PDE1A: variants seen among roughly 807,000 people sequenced by gnomAD.
The protein encoded by PDE1A is phosphodiesterase 1A, also known as dual specificity calcium/calmodulin-dependent 3',5'-cyclic nucleotide phosphodiesterase 1A.
A neutral mutation model predicts 61.7 loss-of-function variants in PDE1A; 35 were observed. The observed-to-expected ratio is 0.57, with a 90% CI of 0.43 to 0.75. PDE1A has a LOEUF of 0.75. PDE1A is among the 30% of genes least tolerant of loss of function. The probability of loss-of-function intolerance (pLI) is 0.00; values close to 1 mark genes in which losing one functional copy is unlikely to be tolerated. For missense variants in PDE1A, 597 were observed against 630.6 expected (o/e 0.95, Z 0.57); for synonymous variants, 232 against 213.2 (o/e 1.09, Z -0.77).
chr2:182,560,190 T>C, the PDE1A span, among the ~76,000 whole-genome samples: 2 of 151,704 alleles, frequency 1.3e-5, no homozygotes, highest in Non-Finnish European at 2.9e-5. Context: ...ATTATGTGTA[T>C]TTCCTAATGC....
intron 2 of PDE1A, among the ~76,000 whole-genome samples, chr2:182,242,883 C>CGT (rs1479744475): frequency 1.5e-5 from 2 of 130,172 alleles, no homozygotes; most frequent in East Asian, 2.3e-4. Flanking sequence ...TCCTCTCCTC[C>CGT]CTCTCTCTCT....
chr2:182,532,232 A>G, the PDE1A span, among the ~76,000 whole-genome samples: 1 of 152,222 alleles, frequency 6.6e-6, no homozygotes. Context: ...AAGAGCTAGA[A>G]GAAGGATATT....
chr2:182,234,181 AAC>A (rs1258721242), intron 4 of PDE1A, among the ~76,000 whole-genome samples: 19 of 152,296 alleles, frequency 1.2e-4, no homozygotes, highest in Middle Eastern at 3.4e-3. Flanking sequence ...TAAGAAAAAA[AAC>A]ACACGTGTGT....
At position 182,159,575 on chromosome 2, in the gene PDE1A, C is replaced by G. The variant is rs369447658; in HGVS notation, c.1517-12423G>C. On this transcript the variant is annotated intron_variant, in intron 13 of 13. Coordinates refer to the PDE1A transcript ENST00000409365. Reference sequence around the variant, plus strand: ...ATAATCTTATATATATCAAAATCATCTTAAGCAAGTAATACTTTTCCATAG... The same window carrying G: ...ATAATCTTATATATATCAAAATCATGTTAAGCAAGTAATACTTTTCCATAG... Among the ~76,000 whole-genome samples the G allele has an allele frequency of 5.5e-4, 84 of 152,308 alleles. 4 individuals are homozygous for G. The South Asian group carries it at 0.017, about 30-fold the overall frequency.
chr2:182,174,143 G>T (rs1692507446), intron 13 of PDE1A, among the ~76,000 whole-genome samples: 1 of 151,990 alleles, frequency 6.6e-6, no homozygotes, highest in African/African-American at 2.4e-5. Flanking sequence ...GTTGGGGTGG[G>T]GTGCCAAGGC....
chr2:182,389,622 A>G (rs1701308753), intron 1 of PDE1A, among the ~76,000 whole-genome samples: 1 of 152,246 alleles, frequency 6.6e-6, no homozygotes, highest in Non-Finnish European at 1.5e-5. Flanking sequence ...GCTACTATCA[A>G]AAAGACAAAA....
At chr2:182,471,391 G>C (rs1291346516) in intron 2 of PDE1A, among the ~76,000 whole-genome samples, 1 of 151,686 alleles carries the variant, frequency 6.6e-6, no homozygotes, top group African/African-American at 2.4e-5. Context: ...TATAATTATT[G>C]ATGTTCTCAC....
chr2:182,164,848 C>T (rs1319261598), downstream of PDE1A, among the ~76,000 whole-genome samples: 1 of 152,138 alleles, frequency 6.6e-6, no homozygotes, highest in African/African-American at 2.4e-5. Context: ...ATTTGTCTTC[C>T]CTGCATACAA....
At chr2:182,342,519 T>TA (rs1698255748) in intron 1 of PDE1A, among the ~76,000 whole-genome samples, 2 of 152,086 alleles carry the variant, frequency 1.3e-5, no homozygotes, top group East Asian at 1.9e-4. Flanking sequence ...TCATCTCTAC[T>TA]AAAAATACAA....
chr2:182,674,088 T>C, the PDE1A span, among the ~76,000 whole-genome samples: 1 of 151,072 alleles, frequency 6.6e-6, no homozygotes, highest in Non-Finnish European at 1.5e-5. Flanking sequence ...TTATGGATGA[T>C]AAAGCTAAGG....
exon 3 of PDE1A, chr2:182,240,194 A>G: frequency 1.2e-6 from 2 of 1,613,702 alleles, no homozygotes; most frequent in Non-Finnish European, 1.7e-6. Flanking sequence ...TGTCATCCCC[A>G]TTTTCCGTGT....
chr2:182,481,988 T>C (rs1029616679), intron 2 of PDE1A, among the ~76,000 whole-genome samples: 1 of 151,906 alleles, frequency 6.6e-6, no homozygotes, highest in Non-Finnish European at 1.5e-5. Context: ...ATACGATACC[T>C]TTACATTCTG....
the PDE1A span, among the ~76,000 whole-genome samples, chr2:182,545,965 T>A: frequency 6.6e-6 from 1 of 152,204 alleles, no homozygotes; most frequent in African/African-American, 2.4e-5. Context: ...TTTTACTATA[T>A]AGAGAAGCAA....
At chr2:182,629,843 TTAC>T in the PDE1A span, among the ~76,000 whole-genome samples, 8 of 152,214 alleles carry the variant, frequency 5.3e-5, 1 homozygote, top group Admixed American at 5.2e-4. Context: ...AAAATGTAAG[TTAC>T]TACATTTTTG....
At chr2:182,384,215 T>C (rs1025938809) in intron 1 of PDE1A, among the ~76,000 whole-genome samples, 1 of 152,118 alleles carries the variant, frequency 6.6e-6, no homozygotes, top group Non-Finnish European at 1.5e-5. Context: ...AGTATCTACT[T>C]TTTCAAATAT....
At chr2:182,687,645 G>A in the PDE1A span, among the ~76,000 whole-genome samples, 2 of 152,204 alleles carry the variant, frequency 1.3e-5, no homozygotes, top group East Asian at 1.9e-4. Context: ...CCAAAGGAAC[G>A]CAGCTCCTCA....
intron 1 of PDE1A, among the ~76,000 whole-genome samples, chr2:182,295,091 G>A (rs1299814999): frequency 1.4e-4 from 6 of 42,400 alleles, no homozygotes; most frequent in Non-Finnish European, 2.1e-4. Flanking sequence ...TTTTTGAGAT[G>A]GAGTCTCGCT....
chr2:182,175,609 G>A (rs1392681204), intron 13 of PDE1A, among the ~76,000 whole-genome samples: 9 of 90,816 alleles, frequency 9.9e-5, no homozygotes, highest in Non-Finnish European at 1.6e-4. Context: ...AGTAGGTTGC[G>A]AAAATTTTCT....
downstream of PDE1A, among the ~76,000 whole-genome samples, chr2:182,164,444 G>A (rs1005003166): frequency 6.6e-6 from 1 of 152,016 alleles, no homozygotes; most frequent in Non-Finnish European, 1.5e-5. Flanking sequence ...TCTCTGAGTG[G>A]GCAAAAAATA....
Sources: gnomAD v4.1 joint callset for allele counts (sites outside exome capture counted in the v4.1 genomes callset) on GRCh38, gnomAD v4.1.1 for gene constraint, MANE v1.5 for transcripts, NCBI Gene and HGNC (gene_info 2026-07-23, HGNC 2026-07-21) for gene names.